The following AUTS2 variants were observed in gnomAD, a reference collection of about 807,000 sequenced individuals.
The protein encoded by AUTS2 is autism susceptibility gene 2 protein.
A neutral mutation model predicts 112.4 loss-of-function variants in AUTS2; 17 were observed. The ratio of observed to expected loss-of-function variants is 0.15; its 90% CI spans 0.10 to 0.23. AUTS2 has a LOEUF of 0.23. Ranked by LOEUF, AUTS2 falls within the 10% of genes least tolerant of loss-of-function variation. AUTS2 has a pLI of 1.00. For missense variants in AUTS2, 1,510 were observed against 1,701.6 expected, an observed-to-expected ratio of 0.89 and a Z score of 1.98; for synonymous variants, 751 against 702.7, an observed-to-expected ratio of 1.07 and a Z score of -1.09.
chr7:70,482,197 C>G (rs190533829), intron 5 of AUTS2, among the ~76,000 whole-genome samples: 2 of 152,256 alleles, frequency 1.3e-5, no homozygotes, highest in East Asian at 3.9e-4. Flanking sequence ...CTCCTTAAAA[C>G]CTCTGGAGGA....
chr7:70,549,959 G>C (rs1800951133), intron 5 of AUTS2, among the ~76,000 whole-genome samples: 1 of 152,190 alleles, frequency 6.6e-6, no homozygotes, highest in South Asian at 2.1e-4. Context: ...CTAGCTTGTT[G>C]ATGGTTTTGT....
intron 2 of AUTS2, among the ~76,000 whole-genome samples, chr7:70,066,983 C>T (rs561961424): frequency 1.3e-5 from 2 of 152,182 alleles, no homozygotes; most frequent in Non-Finnish European, 2.9e-5. Context: ...GTGATAATAT[C>T]GAAGTCAATG....
chr7:70,264,917 T>C (rs1787344225), intron 4 of AUTS2, among the ~76,000 whole-genome samples: 1 of 152,224 alleles, frequency 6.6e-6, no homozygotes, highest in South Asian at 2.1e-4. Context: ...AGTTTGATTG[T>C]GTACTTCTAA....
At chr7:70,225,262 A>G (rs572207344) in intron 4 of AUTS2, among the ~76,000 whole-genome samples, 4 of 152,292 alleles carry the variant, frequency 2.6e-5, no homozygotes, top group South Asian at 2.1e-4. Context: ...ATTTTTCTGT[A>G]TCTTGTCTCC....
chr7:70,520,786 G>T (rs1277868113), intron 5 of AUTS2, among the ~76,000 whole-genome samples: 1 of 152,188 alleles, frequency 6.6e-6, no homozygotes, highest in Non-Finnish European at 1.5e-5. Context: ...CTCAATGAAT[G>T]TTAAACTGAG....
At chr7:70,660,269 C>T (rs1807000093) in intron 5 of AUTS2, among the ~76,000 whole-genome samples, 1 of 152,136 alleles carries the variant, frequency 6.6e-6, no homozygotes, top group African/African-American at 2.4e-5. Context: ...GTTGCAGTTC[C>T]TACCACTTCA....
intron 4 of AUTS2, among the ~76,000 whole-genome samples, chr7:70,283,139 T>G (rs1788299796): frequency 6.6e-6 from 1 of 152,202 alleles, no homozygotes; most frequent in South Asian, 2.1e-4. Flanking sequence ...AATATTAAGA[T>G]ACCTGTATTG....
intron 1 of AUTS2, among the ~76,000 whole-genome samples, chr7:69,821,504 A>G (rs767096447): frequency 6.6e-6 from 1 of 152,094 alleles, no homozygotes; most frequent in Non-Finnish European, 1.5e-5. Flanking sequence ...AGCGGTAGCA[A>G]TGCAGCACTG....
Position 69,937,351 on chromosome 7 carries a change from A to G in AUTS2, c.522+37853A>G, listed in dbSNP as rs574459948. ...AAGCCTTTTCCTGCCGTCGGAAACC[A>G]AAGATTTCCTTGTCTCTTTTGTTCT... is the stretch of plus-strand genomic sequence containing the variant. On this transcript the variant is annotated intron_variant, in intron 2 of 18. Coordinates refer to ENST00000342771, the MANE Select transcript of AUTS2 (RefSeq NM_015570.4). 3.2e-4 allele frequency among the ~76,000 whole-genome samples: 48 copies of G among 152,332 alleles called. 1 individual carries two copies. In the South Asian group the frequency reaches 8.9e-3, roughly 28 times the overall value.
chr7:70,266,789 T>C (rs2129608224), intron 4 of AUTS2, among the ~76,000 whole-genome samples: 1 of 152,344 alleles, frequency 6.6e-6, no homozygotes, highest in East Asian at 1.9e-4. Flanking sequence ...ATTTCAGAAA[T>C]ATCAAAGGAG....
chr7:69,787,865 T>G (rs778414839), intron 1 of AUTS2, among the ~76,000 whole-genome samples: 1 of 150,840 alleles, frequency 6.6e-6, no homozygotes, highest in African/African-American at 2.4e-5. Flanking sequence ...GTTGAGCCAC[T>G]GCGCCTAGCT....
intron 1 of AUTS2, among the ~76,000 whole-genome samples, chr7:69,688,567 G>C (rs778296597): frequency 2.0e-5 from 3 of 152,130 alleles, no homozygotes; most frequent in Non-Finnish European, 4.4e-5. Context: ...ACAATGTATA[G>C]TGATCAGATC....
At chr7:70,450,751 A>G (rs997425866) in intron 5 of AUTS2, among the ~76,000 whole-genome samples, 3 of 152,102 alleles carry the variant, frequency 2.0e-5, no homozygotes, top group African/African-American at 7.2e-5. Flanking sequence ...AGTTGTCATA[A>G]TGGGGGATTT....
At chr7:69,983,352 T>C (rs776021572) in intron 2 of AUTS2, among the ~76,000 whole-genome samples, 41 of 152,072 alleles carry the variant, frequency 2.7e-4, no homozygotes, top group Non-Finnish European at 3.8e-4. Context: ...TTTTTTTTTT[T>C]TGCCATGAAA....
At chr7:70,311,262 G>T (rs557759437) in intron 4 of AUTS2, among the ~76,000 whole-genome samples, 5 of 152,280 alleles carry the variant, frequency 3.3e-5, no homozygotes, top group Admixed American at 2.0e-4. Flanking sequence ...TACATGGAAG[G>T]TATTGAGACT....
chr7:70,353,971 C>T (rs1457195348), intron 4 of AUTS2, among the ~76,000 whole-genome samples: 1 of 152,182 alleles, frequency 6.6e-6, no homozygotes, highest in South Asian at 2.1e-4. Flanking sequence ...TTTTTAATGC[C>T]GTTCCTTGGT....
At chr7:69,951,477 C>T (rs537463286) in intron 2 of AUTS2, among the ~76,000 whole-genome samples, 7 of 152,130 alleles carry the variant, frequency 4.6e-5, no homozygotes, top group Non-Finnish European at 1.0e-4. Context: ...CCATGGAAAA[C>T]TGAGGGTGGA....
At chr7:70,124,770 C>T (rs1333454740) in intron 3 of AUTS2, among the ~76,000 whole-genome samples, 1 of 152,058 alleles carries the variant, frequency 6.6e-6, no homozygotes, top group African/African-American at 2.4e-5. Context: ...ACCATGTTGG[C>T]CAGGATGGTC....
At chr7:70,321,832 G>A (rs971906462) in intron 4 of AUTS2, among the ~76,000 whole-genome samples, 7 of 152,034 alleles carry the variant, frequency 4.6e-5, no homozygotes, top group African/African-American at 1.4e-4. Context: ...CTCCCGCCCC[G>A]AGAATAGTAC....
Sources: allele counts gnomAD v4.1 joint callset (sites outside exome capture counted in the v4.1 genomes callset), GRCh38; gene constraint gnomAD v4.1.1; transcripts MANE v1.5; gene names NCBI Gene and HGNC (gene_info 2026-07-23, HGNC 2026-07-21).